PHAX: variants seen among roughly 807,000 people sequenced by gnomAD.
PHAX encodes the protein phosphorylated adaptor for RNA export, also known as phosphorylated adapter RNA export protein.
PHAX carries 31 observed loss-of-function variants against 41.6 expected under a neutral mutation model. That is an observed-to-expected ratio of 0.75 (90% confidence interval 0.56 to 1.01). PHAX has a LOEUF of 1.01. Among genes scored for constraint, PHAX ranks in the 50% least tolerant of loss-of-function variants. The pLI is 0.00. For synonymous variants in PHAX, 175 were observed against 164.9 expected (o/e 1.06, Z -0.47); for missense variants, 453 against 472.9 (o/e 0.96, Z 0.39).
At chr5:126,613,462 G>T (rs1022512589) in intron 3 of PHAX, among the ~76,000 whole-genome samples, 3 of 152,134 alleles carry the variant, frequency 2.0e-5, no homozygotes, top group African/African-American at 7.2e-5. Flanking sequence ...TGGCTCACAC[G>T]TGTGTAATCC....
Position 126,604,123 on chromosome 5 carries a change from G to A in PHAX, c.650G>A (p.Gly217Asp), listed in dbSNP as rs150995480. 21 of 1,591,384 alleles carry A rather than the reference G, an allele frequency of 1.3e-5. No homozygotes were observed. In the African/African-American group the frequency reaches 2.5e-4, roughly 19 times the overall value. Residue 217 changes from glycine (G) to aspartate (D), a missense_variant, in exon 2 of 5, where the codon GGT (glycine) becomes GAT (aspartate). Physicochemically the swap from Gly to Asp is moderately conservative, Grantham distance 94 (BLOSUM62 -1). Transcript: ENST00000297540. The part of the protein sequence containing the change: ...LGNRPEMNYK[G>D]RYEITAEDSQ... ...AACAGACCAGAAATGAACTATAAAG[G>A]TCGATACGAGATCACAGCGGAAGAT...
Position 126,617,248 on chromosome 5 carries a change from A to G in PHAX, c.832-2A>G. The G allele has an allele frequency of 6.3e-7, 1 of 1,599,678 alleles. No individual in the cohort carries two copies. ...GTTTACCTTTTCTGTTCCTTTTTGT[A>G]GAATGGTAGTCGAAGAAGAACACCA... is the stretch of plus-strand genomic sequence containing the variant. On this transcript the variant is annotated splice_acceptor_variant, in intron 3 of 4. Transcript: ENST00000297540. LOFTEE classifies it high-confidence loss of function.
At chr5:126,607,156 T>C (rs2112830483) in intron 2 of PHAX, among the ~76,000 whole-genome samples, 1 of 152,304 alleles carries the variant, frequency 6.6e-6, no homozygotes, top group Admixed American at 6.5e-5. Flanking sequence ...AAGTATTTAC[T>C]TTCCAGGCAA....
Position 126,624,987 on chromosome 5 carries a change from G to A in PHAX, c.*143G>A. Reference sequence around the variant, plus strand: ...TGTTTTCTTGTTTAAAATATGTGTGGAAAGGAATGCAATTGATAGAACATT... The same window carrying A: ...TGTTTTCTTGTTTAAAATATGTGTGAAAAGGAATGCAATTGATAGAACATT... On this transcript the variant is annotated 3_prime_UTR_variant, in exon 5 of 5. Transcript: ENST00000297540. The A allele has an allele frequency of 2.8e-6, 2 of 710,718 alleles. No homozygotes were observed. Among genetic ancestry groups the A allele is most frequent in the East Asian group, 2.7e-5 (1 of 36,804 alleles). 44.0% of individuals were successfully genotyped at this position (710,718 alleles called of 1,614,324 possible). A position where few individuals can be genotyped will look rare whatever the true frequency, so the allele number is the denominator to read the frequency against.
In PHAX at chr5:126,608,450, C is replaced by T. The variant is rs147045926; in HGVS notation, c.797C>T (p.Ala266Val). 2.5e-6 allele frequency: 4 copies of T among 1,613,836 alleles called. No homozygotes were observed. The highest frequency in any genetic ancestry group is 3.4e-6 in the Non-Finnish European group (4 of 1,179,910). The change falls in exon 3 of 5, where the codon GCT becomes GTT. Residue 266 changes from alanine to valine, a missense_variant. Ala to Val is a moderately conservative substitution (Grantham distance 64). Transcript: ENST00000297540. The part of the protein sequence containing the change: ...KKAIELLMET[A>V]EVEQNGGLFI... The stretch of plus-strand genomic sequence containing the variant: ...GCAATTGAACTTCTGATGGAAACCG[C>T]TGAAGTTGAACAAAATGGTGGTCTC...
intron 1 of PHAX, among the ~76,000 whole-genome samples, chr5:126,602,775 C>A (rs979069772): frequency 6.6e-6 from 1 of 152,104 alleles, no homozygotes; most frequent in South Asian, 2.1e-4. Context: ...GAGGCCGAGG[C>A]GGGTGGATCA....
rs1324286730 is a variant in PHAX, at chr5:126,627,055, T to G, written c.*2211T>G. ...TTAAGCAAAAATATGCTTGATATAT[T>G]AAGCAGAAATGTTGTATATTAAGCA... On this transcript the variant is annotated 3_prime_UTR_variant, in exon 5 of 5. Transcript: ENST00000297540. 1 of 152,144 alleles carries G rather than the reference T, an allele frequency of 6.6e-6. No individual in the cohort carries two copies. 9.4% of individuals were successfully genotyped at this position (152,144 alleles called of 1,614,324 possible). A position where few individuals can be genotyped will look rare whatever the true frequency, so the allele number is the denominator to read the frequency against.
In PHAX at chr5:126,625,989, C is replaced by G. The variant is rs1193013657; in HGVS notation, c.*1145C>G. On this transcript the variant is annotated 3_prime_UTR_variant, in exon 5 of 5. Transcript: ENST00000297540. The stretch of plus-strand genomic sequence containing the variant: ...GGATCACAGGCATGAGCCACCGAAC[C>G]CAGCCTTATTCTGCTTAAATTTAAC... 1.3e-5 allele frequency: 2 copies of G among 152,254 alleles called. No individual in the cohort carries two copies. Among genetic ancestry groups the G allele is most frequent in the Non-Finnish European group, 2.9e-5 (2 of 68,078 alleles). The allele number at this position is 152,254 out of a possible 1,614,324, so 9.4% of individuals were successfully genotyped here.
chr5:126,603,358 G>A (rs548278626), intron 1 of PHAX, among the ~76,000 whole-genome samples: 1 of 152,338 alleles, frequency 6.6e-6, no homozygotes, highest in South Asian at 2.1e-4. Flanking sequence ...AGAACAAAGT[G>A]CTGCATTAGT....
intron 3 of PHAX, among the ~76,000 whole-genome samples, chr5:126,614,384 C>G (rs1465669826): frequency 6.6e-6 from 1 of 152,080 alleles, no homozygotes; most frequent in Non-Finnish European, 1.5e-5. Flanking sequence ...ATACCCAACA[C>G]CCAACCCGTG....
intron 4 of PHAX, among the ~76,000 whole-genome samples, chr5:126,623,993 T>A (rs1325108137): frequency 6.7e-6 from 1 of 150,152 alleles, no homozygotes; most frequent in African/African-American, 2.5e-5. Flanking sequence ...ACTTTTTGTT[T>A]TGGTTTGGTT....
At chr5:126,605,444 G>A (rs1157806374) in intron 2 of PHAX, among the ~76,000 whole-genome samples, 2 of 152,158 alleles carry the variant, frequency 1.3e-5, no homozygotes, top group African/African-American at 4.8e-5. Context: ...CCAGGCTGGA[G>A]TGCAGTGGTG....
At chr5:126,616,943 C>G (rs1307398616) in intron 3 of PHAX, among the ~76,000 whole-genome samples, 1 of 151,092 alleles carries the variant, frequency 6.6e-6, no homozygotes, top group Non-Finnish European at 1.5e-5. Context: ...AACAGAAAAT[C>G]CAGTCATTTG....
At position 126,626,734 on chromosome 5, in the gene PHAX, T is replaced by TAAAA. The variant is rs1752360535; in HGVS notation, c.*1890_*1891insAAAA. On this transcript the variant is annotated 3_prime_UTR_variant, in exon 5 of 5. Coordinates refer to ENST00000297540, the MANE Select transcript of PHAX (RefSeq NM_032177.4). ...CCTGGCGACAGAGCGAGACTCCCTC[T>TAAAA]CAAAAAAAAAAAAAAAAATACAAAA... is the stretch of plus-strand genomic sequence containing the variant. 1 of 57,316 alleles carries TAAAA rather than the reference T, an allele frequency of 1.7e-5. No homozygotes were observed. Among genetic ancestry groups the TAAAA allele is most frequent in the Non-Finnish European group, 2.7e-5 (1 of 36,940 alleles). 3.6% of individuals were successfully genotyped at this position (57,316 alleles called of 1,614,324 possible).
At chr5:126,614,766 A>AT (rs1290249371) in intron 3 of PHAX, among the ~76,000 whole-genome samples, 1 of 151,236 alleles carries the variant, frequency 6.6e-6, no homozygotes, top group Non-Finnish European at 1.5e-5. Context: ...AACACCCATT[A>AT]TTTTTTTTGA....
At chr5:126,609,894 C>T (rs754330507) in intron 3 of PHAX, among the ~76,000 whole-genome samples, 3 of 152,120 alleles carry the variant, frequency 2.0e-5, no homozygotes, top group East Asian at 1.9e-4. Flanking sequence ...CCTGCCACCA[C>T]GCCCAGCTAG....
chr5:126,621,953 TTTTG>T (rs1482681777), intron 4 of PHAX, among the ~76,000 whole-genome samples: 2 of 152,160 alleles, frequency 1.3e-5, no homozygotes, highest in African/African-American at 2.4e-5. Context: ...TTTGTTTTTA[TTTTG>T]TTTATTGTTT....
chr5:126,619,851 C>T (rs922460005), intron 4 of PHAX, among the ~76,000 whole-genome samples: 11 of 152,150 alleles, frequency 7.2e-5, no homozygotes, highest in African/African-American at 2.7e-4. Context: ...AGCATTTATT[C>T]ATAGACTAAA....
At chr5:126,616,904 T>C (rs1752195233) in intron 3 of PHAX, among the ~76,000 whole-genome samples, 1 of 151,302 alleles carries the variant, frequency 6.6e-6, no homozygotes, top group African/African-American at 2.4e-5. Flanking sequence ...AAAAAGAATA[T>C]TCACTGACTT....
Sources: allele counts gnomAD v4.1 joint callset (sites outside exome capture counted in the v4.1 genomes callset), GRCh38; gene constraint gnomAD v4.1.1; transcripts MANE v1.5; gene names NCBI Gene and HGNC (gene_info 2026-07-23, HGNC 2026-07-21).